DOCK1: variants seen among roughly 807,000 people sequenced by gnomAD.
DOCK1 encodes the protein dedicator of cytokinesis 1, also known as dedicator of cytokinesis protein 1.
In DOCK1, 138 loss-of-function variants were observed where a neutral mutation model predicts 262.7. The ratio of observed to expected loss-of-function variants is 0.53; its 90% CI spans 0.46 to 0.61. The LOEUF (loss-of-function observed/expected upper bound fraction) is 0.61, where lower values mean the gene tolerates loss of function less well. DOCK1 is among the 20% of genes least tolerant of loss of function. The pLI, the probability that DOCK1 is intolerant of heterozygous loss-of-function variation, is 0.00. For missense variants in DOCK1, 1,908 were observed against 2,370.7 expected (o/e 0.80, Z 4.05); for synonymous variants, 866 against 867.4 (o/e 1.00, Z 0.03).
chr10:127,449,568 T>C (rs1015699842), intron 51 of DOCK1, among the ~76,000 whole-genome samples: 5 of 152,166 alleles, frequency 3.3e-5, no homozygotes, highest in African/African-American at 1.2e-4. Context: ...ATGACCCAGG[T>C]GTCTTTGGTC....
In DOCK1 at chr10:127,032,118, G is replaced by A. The variant is rs1393176855; in HGVS notation, c.1729-19G>A. 4.4e-6 allele frequency: 7 copies of A among 1,574,140 alleles called. No homozygotes were observed. Among genetic ancestry groups the A allele is most frequent in the Non-Finnish European group, 6.0e-6 (7 of 1,159,788 alleles). On this transcript the variant is annotated intron_variant, in intron 17 of 51. Coordinates refer to ENST00000623213, the MANE Select transcript of DOCK1 (RefSeq NM_001290223.2). ...TGTTTGTGAATTGCCTTTGACATAC[G>A]GCATGACTAAATCCACAGGCCGAAG...
chr10:127,399,934 A>C (rs2067125006), intron 38 of DOCK1, among the ~76,000 whole-genome samples: 1 of 152,160 alleles, frequency 6.6e-6, no homozygotes, highest in Non-Finnish European at 1.5e-5. Flanking sequence ...AGAGCAGCAG[A>C]CTGAGATATT....
intron 25 of DOCK1, among the ~76,000 whole-genome samples, chr10:127,123,845 C>G (rs2133058329): frequency 6.6e-6 from 1 of 152,308 alleles, no homozygotes; most frequent in African/African-American, 2.4e-5. Context: ...CTGACCTGGC[C>G]TCTTTCCAGA....
At chr10:127,261,902 A>ATGTG (rs542700042) in intron 29 of DOCK1, among the ~76,000 whole-genome samples, 1 of 62,578 alleles carries the variant, frequency 1.6e-5, no homozygotes, top group South Asian at 5.3e-4. Flanking sequence ...GTGTGTGTGC[A>ATGTG]TGTGTGTGTG....
intron 27 of DOCK1, among the ~76,000 whole-genome samples, chr10:127,166,056 C>T (rs901156136): frequency 6.6e-6 from 1 of 152,106 alleles, no homozygotes; most frequent in Non-Finnish European, 1.5e-5. Context: ...AAAATGCCTG[C>T]ATTTTCTTAT....
At chr10:126,994,897 G>A (rs7082414) in intron 6 of DOCK1, among the ~76,000 whole-genome samples, 2,670 of 151,876 alleles carry the variant, frequency 0.018, 69 homozygotes, top group African/African-American at 0.059. Context: ...CGGGGCGGCC[G>A]GGCAGAGGCG....
intron 4 of DOCK1, among the ~76,000 whole-genome samples, chr10:126,983,640 C>G (rs1052033053): frequency 6.6e-6 from 1 of 152,100 alleles, no homozygotes; most frequent in African/African-American, 2.4e-5. Context: ...CTCTGTCTTT[C>G]TTTTACAGGC....
chr10:127,189,919 G>A (rs957119266), intron 27 of DOCK1, among the ~76,000 whole-genome samples: 1 of 152,160 alleles, frequency 6.6e-6, no homozygotes, highest in African/African-American at 2.4e-5. Context: ...TTGAAGTCAC[G>A]ACGTCAAATT....
At chr10:127,102,814 C>T (rs1375376833) in intron 23 of DOCK1, among the ~76,000 whole-genome samples, 3 of 151,922 alleles carry the variant, frequency 2.0e-5, no homozygotes, top group Non-Finnish European at 4.4e-5. Flanking sequence ...CACTCCAGCC[C>T]AGGCGGAAGA....
intron 35 of DOCK1, 99 bp from the exon 36 acceptor site, chr10:127,379,983 G>A: frequency 1.2e-6 from 1 of 829,646 alleles, no homozygotes; most frequent in South Asian, 1.5e-5. Context: ...CCATTTGGCT[G>A]TGTTTGACAC....
chr10:127,316,512 T>C (rs1398660492), intron 29 of DOCK1, among the ~76,000 whole-genome samples: 1 of 152,220 alleles, frequency 6.6e-6, no homozygotes, highest in African/African-American at 2.4e-5. Context: ...ATTGGATTCA[T>C]TCTGAATCGA....
At chr10:127,095,962 T>G (rs2136140659) in intron 23 of DOCK1, among the ~76,000 whole-genome samples, 1 of 152,198 alleles carries the variant, frequency 6.6e-6, no homozygotes, top group East Asian at 1.9e-4. Context: ...AATTGACATT[T>G]GGGATTGAGT....
At chr10:127,080,439 G>A (rs1039873402) in intron 23 of DOCK1, among the ~76,000 whole-genome samples, 1 of 152,066 alleles carries the variant, frequency 6.6e-6, no homozygotes, top group East Asian at 1.9e-4. Flanking sequence ...GTACCCCAGG[G>A]TTTGATTGAT....
intron 27 of DOCK1, among the ~76,000 whole-genome samples, chr10:127,185,826 A>G (rs2056178407): frequency 6.6e-6 from 1 of 152,142 alleles, no homozygotes. Context: ...TGGCACACAC[A>G]CTCACAAAAA....
intron 47 of DOCK1, among the ~76,000 whole-genome samples, chr10:127,428,654 G>T (rs1204588443): frequency 6.6e-6 from 1 of 150,740 alleles, no homozygotes; most frequent in African/African-American, 2.4e-5. Context: ...GTGCCGTGTG[G>T]ATTGGGGTGC....
chr10:127,027,158 G>A (rs2042922102), intron 16 of DOCK1, among the ~76,000 whole-genome samples: 1 of 152,360 alleles, frequency 6.6e-6, no homozygotes, highest in Non-Finnish European at 1.5e-5. Context: ...GGCAGTTAAA[G>A]GAAAAGAGTG....
In DOCK1 at chr10:127,018,455, A is replaced by G. The variant is rs547105864; in HGVS notation, c.1202-255A>G. The G allele has an allele frequency of 9.0e-4, 472 of 525,526 alleles. 1 individual carries two copies. Among genetic ancestry groups the G allele is most frequent in the African/African-American group, 8.3e-3 (436 of 52,336 alleles). The allele number at this position is 525,526 out of a possible 1,614,324, so 32.6% of individuals were successfully genotyped here. The stretch of plus-strand genomic sequence containing the variant: ...CATTCCTCAGCAGCACAGTGGGTGC[A>G]CAGCAGCTGCTGATGTGCGTTCAGC... On this transcript the variant is annotated intron_variant, in intron 12 of 51. Coordinates refer to ENST00000623213, the MANE Select transcript of DOCK1 (RefSeq NM_001290223.2).
chr10:127,113,071 A>G (rs1352583069), intron 25 of DOCK1, among the ~76,000 whole-genome samples: 3 of 152,220 alleles, frequency 2.0e-5, no homozygotes, highest in African/African-American at 4.8e-5. Context: ...CACCTTTGGT[A>G]TAACAATTTA....
Position 127,195,493 on chromosome 10 carries a change from C to A in DOCK1, c.2848-52515C>A, listed in dbSNP as rs577363339. ...TGCTGCTCGCGCCTCTCCTCAACGG[C>A]CGGCGTCAGGGCCCCTCTGTTCCAA... On this transcript the variant is annotated intron_variant, in intron 27 of 51. Coordinates refer to ENST00000623213, the MANE Select transcript of DOCK1 (RefSeq NM_001290223.2). 4.6e-5 allele frequency among the ~76,000 whole-genome samples: 7 copies of A among 152,272 alleles called. No individual in the cohort carries two copies. The South Asian group carries it at 1.4e-3, about 32-fold the overall frequency.
Sources: allele counts gnomAD v4.1 joint callset (sites outside exome capture counted in the v4.1 genomes callset), GRCh38; gene constraint gnomAD v4.1.1; transcripts MANE v1.5; gene names NCBI Gene and HGNC (gene_info 2026-07-23, HGNC 2026-07-21).